The following IGFL2 variants were observed in gnomAD, a reference collection of about 807,000 sequenced individuals.
IGFL2 encodes the protein IGF like family member 2.
A neutral mutation model predicts 13.9 loss-of-function variants in IGFL2; 7 were observed. That is an observed-to-expected ratio of 0.51 (90% CI 0.29 to 0.95). The LOEUF is 0.95. Ranked by LOEUF, IGFL2 falls within the 40% of genes least tolerant of loss-of-function variation. The probability of loss-of-function intolerance (pLI) is 0.08; values close to 1 mark genes in which losing one functional copy is unlikely to be tolerated. For missense variants in IGFL2, 138 were observed against 147.8 expected, an observed-to-expected ratio of 0.93 and a Z score of 0.34; for synonymous variants, 55 against 55.8, an observed-to-expected ratio of 0.99 and a Z score of 0.07.
At chr19:46,201,095 G>A in the IGFL2 span, among the ~76,000 whole-genome samples, 1 of 152,220 alleles carries the variant, frequency 6.6e-6, no homozygotes, top group African/African-American at 2.4e-5. Context: ...GGGGAGCAGA[G>A]AGCAATGGAG....
chr19:46,177,274 TC>T, the IGFL2 span, among the ~76,000 whole-genome samples: 1 of 152,062 alleles, frequency 6.6e-6, no homozygotes, highest in Admixed American at 6.6e-5. Context: ...GCACCTATAA[TC>T]CCAGCTAATG....
Position 46,160,607 on chromosome 19 carries a change from T to G in IGFL2, c.74-7T>G. ...CTCACACCAACAATGTCTGTCCATC[T>G]GTCCAGCTCCCGCTGGCTCAGAACC... is the stretch of plus-strand genomic sequence containing the variant. On this transcript the variant is annotated splice_region_variant and splice_polypyrimidine_tract_variant and intron_variant, in intron 2 of 3. Coordinates refer to ENST00000377693, the MANE Select transcript of IGFL2 (RefSeq NM_001135113.2). 1 of 1,614,080 alleles carries G rather than the reference T, an allele frequency of 6.2e-7. No homozygotes were observed.
the IGFL2 span, among the ~76,000 whole-genome samples, chr19:46,095,918 G>A: frequency 1.3e-5 from 2 of 152,218 alleles, no homozygotes; most frequent in South Asian, 2.1e-4. Flanking sequence ...GTACCATGCT[G>A]TAGCCTTGTC....
chr19:46,152,721 G>T (rs536161005), intron 1 of IGFL2, among the ~76,000 whole-genome samples: 3 of 152,298 alleles, frequency 2.0e-5, no homozygotes, highest in Admixed American at 2.0e-4. Context: ...GAATAGAGTG[G>T]TAAGAGTGGA....
chr19:46,201,525 G>A, the IGFL2 span, among the ~76,000 whole-genome samples: 7 of 152,296 alleles, frequency 4.6e-5, no homozygotes, highest in East Asian at 1.9e-4. Flanking sequence ...AAGCCTTTAC[G>A]CGTCCCCAAC....
chr19:46,087,170 C>A, the IGFL2 span, among the ~76,000 whole-genome samples: 3 of 152,064 alleles, frequency 2.0e-5, no homozygotes, highest in African/African-American at 7.2e-5. Flanking sequence ...GGTTCTTGGG[C>A]CCTGGGCATA....
At chr19:46,212,737 C>CTCTCTCTCTCTCTCTCTCTCCT in the IGFL2 span, 1 of 147,834 alleles carries the variant, frequency 6.8e-6, no homozygotes, top group African/African-American at 2.5e-5. Flanking sequence ...CTCTCTCTCT[C>CTCTCTCTCTCTCTCTCTCTCCT]CTCTCACTGT....
At chr19:46,147,004 A>G (rs1973171254), upstream of IGFL2, among the ~76,000 whole-genome samples, 1 of 152,212 alleles carries the variant, frequency 6.6e-6, no homozygotes. Context: ...ACAATAAAAT[A>G]ACAGTAAGAA....
At chr19:46,124,625 C>T in the IGFL2 span, 16 of 1,608,718 alleles carry the variant, frequency 9.9e-6, no homozygotes, top group Non-Finnish European at 1.2e-5. Context: ...TCCTACTTGC[C>T]CAAGATGCAG....
the IGFL2 span, among the ~76,000 whole-genome samples, chr19:46,179,024 A>T: frequency 6.6e-6 from 1 of 151,864 alleles, no homozygotes; most frequent in East Asian, 1.9e-4. Context: ...AGGCAGAGAG[A>T]GAAGACCAGG....
At chr19:46,091,293 T>G in the IGFL2 span, among the ~76,000 whole-genome samples, 2 of 152,336 alleles carry the variant, frequency 1.3e-5, no homozygotes, top group Admixed American at 6.5e-5. Flanking sequence ...TCCACATTTA[T>G]GTTTTTAAAC....
chr19:46,136,915 C>T, the IGFL2 span: 2 of 912,368 alleles, frequency 2.2e-6, no homozygotes, highest in African/African-American at 1.6e-5. Flanking sequence ...CACATGTCCT[C>T]TGGGCACATG....
chr19:46,192,332 C>A, the IGFL2 span, among the ~76,000 whole-genome samples: 608 of 152,192 alleles, frequency 4.0e-3, 3 homozygotes, highest in African/African-American at 0.012. Flanking sequence ...ATGAAGAATG[C>A]TCGATGCTCA....
the IGFL2 span, among the ~76,000 whole-genome samples, chr19:46,118,742 T>TA: frequency 2.1e-4 from 32 of 152,274 alleles, no homozygotes; most frequent in East Asian, 6.2e-3. Context: ...CTGGGAGAGT[T>TA]ACTGCCTCCC....
At chr19:46,134,367 A>T in the IGFL2 span, among the ~76,000 whole-genome samples, 3 of 152,162 alleles carry the variant, frequency 2.0e-5, no homozygotes, top group South Asian at 6.2e-4. Context: ...GAGGAGGGGG[A>T]TAGTTTCAGG....
the IGFL2 span, among the ~76,000 whole-genome samples, chr19:46,183,968 G>A: frequency 5.3e-5 from 8 of 152,164 alleles, no homozygotes; most frequent in Admixed American, 4.6e-4. Flanking sequence ...TAGTTGCATC[G>A]GTTTTTGCCC....
the IGFL2 span, among the ~76,000 whole-genome samples, chr19:46,121,353 C>A: frequency 6.9e-6 from 1 of 145,720 alleles, no homozygotes; most frequent in Non-Finnish European, 1.5e-5. Context: ...GAGATCATGC[C>A]ACTGCACTCC....
chr19:46,125,448 C>T, the IGFL2 span, among the ~76,000 whole-genome samples: 2 of 152,158 alleles, frequency 1.3e-5, no homozygotes, highest in African/African-American at 4.8e-5. Context: ...AAACTGAGGC[C>T]TGCCAGGCAA....
At chr19:46,144,460 G>A (rs536678490), upstream of IGFL2, among the ~76,000 whole-genome samples, 10 of 151,898 alleles carry the variant, frequency 6.6e-5, no homozygotes, top group African/African-American at 9.7e-5. Flanking sequence ...GTATCATATC[G>A]TATCATATCA....
Sources: allele counts gnomAD v4.1 joint callset (sites outside exome capture counted in the v4.1 genomes callset), GRCh38; gene constraint gnomAD v4.1.1; transcripts MANE v1.5; gene names NCBI Gene and HGNC (gene_info 2026-07-23, HGNC 2026-07-21).